The following FRAS1 variants were observed in gnomAD, a reference collection of about 807,000 sequenced individuals.
The protein encoded by FRAS1 is extracellular matrix organizing protein FRAS1.
A neutral mutation model predicts 435.2 loss-of-function variants in FRAS1; 290 were observed. The ratio of observed to expected loss-of-function variants is 0.67; its 90% CI spans 0.61 to 0.73. FRAS1 has a LOEUF of 0.73. Ranked by LOEUF, FRAS1 falls within the 30% of genes least tolerant of loss-of-function variation. The pLI is 0.00. For synonymous variants in FRAS1, 1,800 were observed against 1,851.0 expected, an observed-to-expected ratio of 0.97 and a Z score of 0.71; for missense variants, 4,860 against 5,001.5, an observed-to-expected ratio of 0.97 and a Z score of 0.85.
intron 2 of FRAS1, among the ~76,000 whole-genome samples, chr4:78,200,710 A>G (rs1038352491): frequency 2.6e-5 from 4 of 151,886 alleles, no homozygotes; most frequent in African/African-American, 9.7e-5. Flanking sequence ...GCATCAGTTT[A>G]ATGAAATGTC....
At chr4:78,191,097 G>A (rs1042883374) in intron 2 of FRAS1, among the ~76,000 whole-genome samples, 1 of 152,202 alleles carries the variant, frequency 6.6e-6, no homozygotes, top group Non-Finnish European at 1.5e-5. Context: ...GAATTGGCTG[G>A]CAGCTTGCTC....
intron 4 of FRAS1, among the ~76,000 whole-genome samples, chr4:78,248,524 G>T (rs1398314684): frequency 6.6e-6 from 1 of 152,134 alleles, no homozygotes; most frequent in Non-Finnish European, 1.5e-5. Context: ...GGAGTAGGAA[G>T]GGACAGGCCT....
intron 19 of FRAS1, among the ~76,000 whole-genome samples, chr4:78,333,683 C>T (rs1730036859): frequency 6.6e-6 from 1 of 152,144 alleles, no homozygotes; most frequent in South Asian, 2.1e-4. Context: ...TTTCTCTTGC[C>T]TGGAAGACAA....
chr4:78,124,735 C>T (rs1365088311), intron 2 of FRAS1, among the ~76,000 whole-genome samples: 2 of 152,120 alleles, frequency 1.3e-5, no homozygotes, highest in Non-Finnish European at 2.9e-5. Context: ...TTATCCATTT[C>T]TTCTAGATTT....
In FRAS1 at chr4:78,372,787, A is replaced by T. The variant is rs570962669; in HGVS notation, c.2939A>T (p.Tyr980Phe). 12 of 1,613,162 alleles carry T rather than the reference A, an allele frequency of 7.4e-6. No individual in the cohort carries two copies. The South Asian group carries it at 1.1e-4, about 15-fold the overall frequency. The part of the protein sequence containing the change: ...KTDCLQCMDG[Y>F]VLQDGACVEQ... Reference sequence around the variant, plus strand: ...GACTGCCTGCAGTGCATGGATGGCTATGTTCTCCAGGATGGGGCCTGCGTG... The same window carrying T: ...GACTGCCTGCAGTGCATGGATGGCTTTGTTCTCCAGGATGGGGCCTGCGTG... Residue 980 changes from tyrosine to phenylalanine, a missense_variant, in exon 24 of 74, where the codon TAT becomes TTT. Tyr to Phe is a conservative substitution (Grantham distance 22). Coordinates refer to ENST00000512123, the MANE Select transcript of FRAS1 (RefSeq NM_025074.7).
intron 53 of FRAS1, 121 bp from the exon 54 acceptor site, chr4:78,475,317 A>G: frequency 9.8e-7 from 1 of 1,017,666 alleles, no homozygotes; most frequent in South Asian, 1.6e-5. Context: ...TAGAGGAACC[A>G]AACTTCCTCT....
intron 2 of FRAS1, among the ~76,000 whole-genome samples, chr4:78,128,842 T>C (rs758238836): frequency 4.3e-4 from 66 of 152,352 alleles, no homozygotes; most frequent in Non-Finnish European, 8.5e-4. Context: ...GCCTATGTCC[T>C]GAATGGTATT....
chr4:78,215,633 T>C (rs1235846264), intron 2 of FRAS1, among the ~76,000 whole-genome samples: 1 of 152,192 alleles, frequency 6.6e-6, no homozygotes, highest in African/African-American at 2.4e-5. Flanking sequence ...CCCAATCCCT[T>C]GGCAACCTCC....
At chr4:78,468,789 G>T (rs1719615508) in intron 50 of FRAS1, among the ~76,000 whole-genome samples, 1 of 152,176 alleles carries the variant, frequency 6.6e-6, no homozygotes, top group African/African-American at 2.4e-5. Context: ...TCTGACCTGG[G>T]GAAGGCAGTT....
intron 1 of FRAS1, among the ~76,000 whole-genome samples, chr4:78,061,441 G>A (rs1271168385): frequency 2.6e-5 from 4 of 152,172 alleles, no homozygotes; most frequent in African/African-American, 9.7e-5. Context: ...AAACATCATT[G>A]AATTGGAGGT....
intron 47 of FRAS1, among the ~76,000 whole-genome samples, chr4:78,459,082 A>C (rs75989083): frequency 0.022 from 3,279 of 152,360 alleles, 120 homozygotes; most frequent in African/African-American, 0.075. Context: ...GCATGTGTTT[A>C]AAAATAATGA....
intron 65 of FRAS1, 57 bp downstream of exon 65, chr4:78,513,609 T>C (rs1464055055): frequency 5.4e-6 from 8 of 1,481,322 alleles, no homozygotes; most frequent in Non-Finnish European, 7.5e-6. Flanking sequence ...CAGTTGACTT[T>C]CAGGATATGC....
intron 2 of FRAS1, among the ~76,000 whole-genome samples, chr4:78,167,116 T>G (rs768304124): frequency 6.6e-6 from 1 of 152,210 alleles, no homozygotes. Context: ...CAATTATACA[T>G]TGGCTTGAAA....
At position 78,374,271 on chromosome 4, in the gene FRAS1, T is replaced by C. The variant is rs369103934; in HGVS notation, c.3151+20T>C. The C allele has an allele frequency of 6.5e-7, 1 of 1,544,060 alleles. No individual in the cohort carries two copies. The highest frequency in any genetic ancestry group is 2.3e-5 in the East Asian group (1 of 43,410). ...GCACAGGTAACTTGGAGACTGCTGA[T>C]TATTCTGGAAAGAAGTGAGGGCAGC... On this transcript the variant is annotated intron_variant, in intron 25 of 73. Coordinates refer to ENST00000512123, the MANE Select transcript of FRAS1 (RefSeq NM_025074.7).
At chr4:78,081,655 G>T (rs1417262404) in intron 2 of FRAS1, among the ~76,000 whole-genome samples, 1 of 152,104 alleles carries the variant, frequency 6.6e-6, no homozygotes, top group African/African-American at 2.4e-5. Context: ...GCCCCTCTGT[G>T]GTAGGTCCTC....
At chr4:78,304,510 T>G (rs534537679) in intron 14 of FRAS1, among the ~76,000 whole-genome samples, 2 of 152,202 alleles carry the variant, frequency 1.3e-5, no homozygotes, top group Non-Finnish European at 2.9e-5. Flanking sequence ...TCTTTTTGTT[T>G]GGTAAGCTAT....
intron 29 of FRAS1, among the ~76,000 whole-genome samples, chr4:78,396,044 G>A (rs114689883): frequency 1.8e-3 from 278 of 151,702 alleles, no homozygotes; most frequent in Non-Finnish European, 2.9e-3. Context: ...CATCATGATT[G>A]CCATGAGGGT....
At chr4:78,094,203 T>TATATATTTTCAA (rs1741678611) in intron 2 of FRAS1, among the ~76,000 whole-genome samples, 1 of 149,210 alleles carries the variant, frequency 6.7e-6, no homozygotes, top group Non-Finnish European at 1.5e-5. Flanking sequence ...CAAAGAACTC[T>TATATATTTTCAA]AGGCCACACA....
At chr4:78,484,601 A>G (rs1401718500) in intron 58 of FRAS1, among the ~76,000 whole-genome samples, 2 of 152,192 alleles carry the variant, frequency 1.3e-5, no homozygotes, top group Non-Finnish European at 2.9e-5. Flanking sequence ...CTTAAGTTTT[A>G]CATTTAGGTT....
Sources: allele counts gnomAD v4.1 joint callset (sites outside exome capture counted in the v4.1 genomes callset), GRCh38; gene constraint gnomAD v4.1.1; transcripts MANE v1.5; gene names NCBI Gene and HGNC (gene_info 2026-07-23, HGNC 2026-07-21).